The following C16orf95 variants were observed in gnomAD, a reference collection of about 807,000 sequenced individuals.
C16orf95 encodes chromosome 16 open reading frame 95, also known as uncharacterized protein C16orf95.
A neutral mutation model predicts 32.1 loss-of-function variants in C16orf95; 41 were observed. That is an observed-to-expected ratio of 1.28 (90% CI 1.00 to 1.66). The LOEUF (loss-of-function observed/expected upper bound fraction) is 1.66. C16orf95 is among the 40% of genes most tolerant of loss of function. The probability of loss-of-function intolerance (pLI) is 0.00; values close to 1 mark genes in which losing one functional copy is unlikely to be tolerated. For synonymous variants in C16orf95, 147 were observed against 128.9 expected (o/e 1.14, Z -0.95); for missense variants, 399 against 325.9 (o/e 1.22, Z -1.73).
At chr16:87,310,816 G>T (rs1046770426) in intron 4 of C16orf95, among the ~76,000 whole-genome samples, 1 of 152,170 alleles carries the variant, frequency 6.6e-6, no homozygotes, top group African/African-American at 2.4e-5. Flanking sequence ...AGGTGAGAGA[G>T]GTCAGGGAGA....
In C16orf95 at chr16:87,317,170, C is replaced by A; in HGVS notation, c.73G>T (p.Gly25Cys). ...HHHEATGAAS[G>C]AAAGGPGAGC... The stretch of plus-strand genomic sequence containing the variant: ...GCGCCCGGCCCCCCGGCAGCAGCGC[C>A]TGAGGCTGCTCCAGTGGCCTCATGA... Residue 25 changes from glycine to cysteine, a missense_variant, in exon 1 of 7, where the codon GGC becomes TGC. Physicochemically the swap from Gly to Cys is radical, Grantham distance 159. Coordinates refer to ENST00000567970, the MANE Select transcript of C16orf95 (RefSeq NM_001195124.3). 1 of 1,531,418 alleles carries A rather than the reference C, an allele frequency of 6.5e-7. No individual in the cohort carries two copies. Among genetic ancestry groups the A allele is most frequent in the Non-Finnish European group, 8.7e-7 (1 of 1,145,008 alleles). 94.9% of individuals were successfully genotyped at this position (1,531,418 alleles called of 1,614,324 possible).
At position 87,311,166 on chromosome 16, in the gene C16orf95, A is replaced by G; in HGVS notation, c.461T>C (p.Leu154Pro). The change falls in exon 4 of 7, where the codon CTG becomes CCG. Residue 154 changes from leucine (L) to proline (P), a missense_variant. Transcript: ENST00000567970. ...CCTCCTTACCTGCTGCTGAGACCTC[A>G]GGACCTGGGGCACCCAGTAGGGCAT... ...AVMPYWVPQV[L>P]RSQQQIVRRQ... 2 of 1,532,040 alleles carry G rather than the reference A, an allele frequency of 1.3e-6. No homozygotes were observed. The highest frequency in any genetic ancestry group is 2.0e-5 in the Admixed American group (1 of 50,804). The allele number at this position is 1,532,040 out of a possible 1,614,324, so 94.9% of individuals were successfully genotyped here. A position where few individuals can be genotyped will look rare whatever the true frequency, so the allele number is the denominator to read the frequency against.
intron 4 of C16orf95, 105 bp downstream of exon 4, chr16:87,311,045 G>T: frequency 1.8e-6 from 2 of 1,142,092 alleles, no homozygotes; most frequent in South Asian, 1.9e-5. Flanking sequence ...GCCTTTGTGG[G>T]AGCAGAGCCC....
intron 4 of C16orf95, 139 bp downstream of exon 4, chr16:87,311,011 G>A: frequency 1.2e-6 from 1 of 829,338 alleles, no homozygotes; most frequent in South Asian, 2.5e-5. Flanking sequence ...GCTGCCAGGG[G>A]ATCTTCTCTG....
chr16:87,315,897 C>G, intron 1 of C16orf95, 74 bp from the exon 2 acceptor site: 1 of 1,104,354 alleles, frequency 9.1e-7, no homozygotes, highest in South Asian at 1.7e-5. Flanking sequence ...CAGGCCTGGA[C>G]CTGTCTTCTC....
intron 5 of C16orf95, among the ~76,000 whole-genome samples, chr16:87,309,598 G>C (rs536171690): frequency 4.6e-5 from 7 of 151,820 alleles, no homozygotes; most frequent in Admixed American, 1.3e-4. Flanking sequence ...TGCCCAGGCT[G>C]GTCTCAAACT....
chr16:87,305,611 T>C lies in C16orf95; in HGVS notation c.701+108A>G, dbSNP rs116415053. 2.2e-3 allele frequency: 2,233 copies of C among 1,007,102 alleles called. 49 individuals carry two copies. The African/African-American group carries it at 0.034, about 16-fold the overall frequency. The allele number at this position is 1,007,102 out of a possible 1,614,324, so 62.4% of individuals were successfully genotyped here. A position where few individuals can be genotyped will look rare whatever the true frequency, so the allele number is the denominator to read the frequency against. On this transcript the variant is annotated intron_variant, in intron 6 of 6. Coordinates refer to ENST00000567970, the MANE Select transcript of C16orf95 (RefSeq NM_001195124.3). This position sits in a 1 kb window ranked among gnomAD's most constrained non-coding sequence, Gnocchi z 4.2. ...GCCGGGCCTTGGACGCCTGTCAAGT[T>C]AAGCCCCACCCCCCACTCTTCCACA... is the stretch of plus-strand genomic sequence containing the variant.
At chr16:87,310,256 G>T in intron 5 of C16orf95, 41 bp downstream of exon 5, 2 of 1,530,528 alleles carry the variant, frequency 1.3e-6, no homozygotes, top group Non-Finnish European at 8.8e-7. Flanking sequence ...CCACCTTTCT[G>T]GGGAGGGGGA....
chr16:87,315,175 A>G, intron 2 of C16orf95, 79 bp from the exon 3 acceptor site: 1 of 1,407,512 alleles, frequency 7.1e-7, no homozygotes, highest in Non-Finnish European at 9.5e-7. Context: ...AGCACAGTAG[A>G]TCCGTGCTCA....
intron 5 of C16orf95, among the ~76,000 whole-genome samples, chr16:87,309,768 CTA>C (rs1911198144): frequency 6.6e-6 from 1 of 152,102 alleles, no homozygotes; most frequent in Admixed American, 6.5e-5. Flanking sequence ...TGAGTATATA[CTA>C]TGTCTATCAT....
rs543222691 is a variant in C16orf95, at chr16:87,310,149, A to C, written c.514+148T>G. On this transcript the variant is annotated intron_variant, in intron 5 of 6. Transcript: ENST00000567970. The stretch of plus-strand genomic sequence containing the variant: ...AGTGGGTGACCAGGGATGGCTGTTG[A>C]GCAGGGGAAGGGAAGCCACATTCAT... 3.9e-5 allele frequency: 31 copies of C among 803,992 alleles called. No homozygotes were observed. The African/African-American group carries it at 4.9e-4, about 13-fold the overall frequency. 49.8% of individuals were successfully genotyped at this position (803,992 alleles called of 1,614,324 possible).
Position 87,311,283 on chromosome 16 carries a change from A to T in C16orf95, c.344T>A (p.Val115Asp), listed in dbSNP as rs1356045515. 5.2e-6 allele frequency: 8 copies of T among 1,533,996 alleles called. No individual in the cohort carries two copies. In the Admixed American group the frequency reaches 1.6e-4, roughly 30 times the overall value. ...GGCGGTTTGGGGGATAGGAAATTGA[A>T]CCGTCTTTTGACTCTAACAGAGAGG... Reference protein sequence around the residue: ...LRPRKQSQKTVQFPIPQTAKM... With the variant: ...LRPRKQSQKTDQFPIPQTAKM... The change falls in exon 4 of 7, where the codon GTT (valine) becomes GAT (aspartate). Residue 115 changes from valine (V) to aspartate (D), a missense_variant. Physicochemically the swap from Val to Asp is radical, Grantham distance 152. Coordinates refer to ENST00000567970, the MANE Select transcript of C16orf95 (RefSeq NM_001195124.3).
chr16:87,316,434 A>G (rs1904337599), intron 1 of C16orf95, among the ~76,000 whole-genome samples: 1 of 152,220 alleles, frequency 6.6e-6, no homozygotes, highest in African/African-American at 2.4e-5. Flanking sequence ...GTAGTGGGTC[A>G]AAGTGCTTTG....
Position 87,305,858 on chromosome 16 carries a change from C to G in C16orf95, c.562G>C (p.Gly188Arg), listed in dbSNP as rs780555091. Residue 188 changes from glycine to arginine, a missense_variant, in exon 6 of 7, where the codon GGT (glycine) becomes CGT (arginine). Gly to Arg is a moderately radical substitution (Grantham distance 125). Transcript: ENST00000567970. The surrounding 1 kb of genome is among the most constrained non-coding windows in gnomAD (Gnocchi z 4.2). ...CCWHNCWRIC[G>R]DECLLSKFQQ... ...AACTTGGACAACAGGCACTCATCAC[C>G]GCAGATCCGCCAGCAGTTGTGCCAG... 3.4e-6 allele frequency: 5 copies of G among 1,456,022 alleles called. No homozygotes were observed. In the Admixed American group the frequency reaches 9.9e-5, roughly 29 times the overall value. 90.2% of individuals were successfully genotyped at this position (1,456,022 alleles called of 1,614,324 possible).
chr16:87,314,556 A>T (rs1288225377), intron 3 of C16orf95, among the ~76,000 whole-genome samples: 1 of 152,214 alleles, frequency 6.6e-6, no homozygotes, highest in Non-Finnish European at 1.5e-5. Flanking sequence ...GACATGATTA[A>T]GGGTTGTGTA....
At chr16:87,309,324 T>C (rs531247592) in intron 5 of C16orf95, among the ~76,000 whole-genome samples, 4 of 152,018 alleles carry the variant, frequency 2.6e-5, no homozygotes, top group Non-Finnish European at 4.4e-5. Flanking sequence ...AATCCATACA[T>C]TGTTTCACTG....
At chr16:87,307,219 C>T (rs962556513) in intron 5 of C16orf95, among the ~76,000 whole-genome samples, 1 of 152,160 alleles carries the variant, frequency 6.6e-6, no homozygotes, top group Non-Finnish European at 1.5e-5. Flanking sequence ...GACACGGCAG[C>T]CCTCCACAAC....
At chr16:87,306,098 G>C (rs1911016421) in intron 5 of C16orf95, 193 bp from the exon 6 acceptor site, 1 of 431,946 alleles carries the variant, frequency 2.3e-6, no homozygotes, top group African/African-American at 2.1e-5. Context: ...GATATCCTGG[G>C]TAACGGCAGC....
chr16:87,314,970 C>T lies in C16orf95; in HGVS notation c.330+1G>A, dbSNP rs1048794524. 53 of 1,535,786 alleles carry T rather than the reference C, an allele frequency of 3.5e-5. No individual in the cohort carries two copies. The highest frequency in any genetic ancestry group is 4.5e-5 in the Non-Finnish European group (52 of 1,146,790). On this transcript the variant is annotated splice_donor_variant, in intron 3 of 6. Coordinates refer to ENST00000567970, the MANE Select transcript of C16orf95 (RefSeq NM_001195124.3). LOFTEE classifies it high-confidence loss of function. ...AAGACCTCCTGGTTCAAGTCACCTA[C>T]CTGCTTTCGGGGTCTCAGGGACAGA... is the stretch of plus-strand genomic sequence containing the variant.
Sources: gnomAD v4.1 joint callset for allele counts (sites outside exome capture counted in the v4.1 genomes callset) on GRCh38, gnomAD v4.1.1 for gene constraint, Gnocchi (gnomAD v3.1) non-coding constraint, MANE v1.5 for transcripts, NCBI Gene and HGNC (gene_info 2026-07-23, HGNC 2026-07-21) for gene names.